Variants in ZNF652 observed in about 807,000 individuals in gnomAD.
ZNF652 encodes the protein zinc finger protein 652.
Under a neutral mutation model 45.2 loss-of-function variants are expected in ZNF652, and 16 were observed. The ratio of observed to expected loss-of-function variants is 0.35; its 90% CI spans 0.24 to 0.54. The LOEUF (loss-of-function observed/expected upper bound fraction) is 0.54. Among genes scored for constraint, ZNF652 ranks in the 20% least tolerant of loss-of-function variants. The probability of loss-of-function intolerance (pLI) is 0.91; values close to 1 mark genes in which losing one functional copy is unlikely to be tolerated. For synonymous variants in ZNF652, 250 were observed against 260.6 expected (o/e 0.96, Z 0.39); for missense variants, 614 against 765.6 (o/e 0.80, Z 2.34).
At chr17:49,305,428 C>A (rs1379863477) in intron 5 of ZNF652, among the ~76,000 whole-genome samples, 1 of 151,942 alleles carries the variant, frequency 6.6e-6, no homozygotes, top group East Asian at 1.9e-4. Context: ...GCCTGGGTGA[C>A]ACAGCGAGAC....
At position 49,295,924 on chromosome 17, in the gene ZNF652, C is replaced by A. The variant is rs2069467088; in HGVS notation, c.*2489G>T. 1 of 74,226 alleles carries A rather than the reference C, an allele frequency of 1.3e-5. No homozygotes were observed. The highest frequency in any genetic ancestry group is 2.3e-4 in the Admixed American group (1 of 4,346). The allele number at this position is 74,226 out of a possible 1,614,324, so 4.6% of individuals were successfully genotyped here. ...CTGCACTCCAGCCCAGGCAACAGAA[C>A]AAGACTCTGCCTCAAAAAAAAAAAA... On this transcript the variant is annotated 3_prime_UTR_variant, in exon 6 of 6. Coordinates refer to ENST00000430262, the MANE Select transcript of ZNF652 (RefSeq NM_001145365.3).
intron 1 of ZNF652, among the ~76,000 whole-genome samples, chr17:49,333,788 ATTAT>A (rs1567693151): frequency 2.6e-5 from 4 of 151,952 alleles, no homozygotes; most frequent in Non-Finnish European, 4.4e-5. Context: ...GATGCTTAAC[ATTAT>A]TCAGCATTAG....
intron 1 of ZNF652, among the ~76,000 whole-genome samples, chr17:49,339,741 C>T (rs1289652276): frequency 6.6e-6 from 1 of 152,162 alleles, no homozygotes; most frequent in East Asian, 1.9e-4. Context: ...TGTATTTTTG[C>T]ATCTTCACAG....
At chr17:49,319,635 CAAAAAAAAAAAAAAA>C (rs35770760) in intron 1 of ZNF652, among the ~76,000 whole-genome samples, 1 of 46,234 alleles carries the variant, frequency 2.2e-5, no homozygotes, top group Non-Finnish European at 3.8e-5. Flanking sequence ...GACTCTGTCT[CAAAAAAAAAAAAAAA>C]AAAAAAAAAA....
rs2069489191 is a variant in ZNF652 at position 49,297,313 on chromosome 17, G to A, written c.*1100C>T. 6.6e-6 allele frequency: 1 copy of A among 152,550 alleles called. No homozygotes were observed. Among genetic ancestry groups the A allele is most frequent in the Admixed American group, 6.5e-5 (1 of 15,272 alleles). The allele number at this position is 152,550 out of a possible 1,614,324, so 9.4% of individuals were successfully genotyped here. A position where few individuals can be genotyped will look rare whatever the true frequency, so the allele number is the denominator to read the frequency against. ...AGTTAAACATCAACACAATTCCTAA[G>A]GGAAGTGAGAAACAGACGTGACTGA... On this transcript the variant is annotated 3_prime_UTR_variant, in exon 6 of 6. Coordinates refer to ENST00000430262, the MANE Select transcript of ZNF652 (RefSeq NM_001145365.3).
chr17:49,320,605 A>T (rs2069876659), intron 1 of ZNF652, among the ~76,000 whole-genome samples: 1 of 152,218 alleles, frequency 6.6e-6, no homozygotes, highest in African/African-American at 2.4e-5. Flanking sequence ...TTTAAGTAGG[A>T]AAATCCTAGC....
rs576692626 is a variant in ZNF652 at position 49,316,833 on chromosome 17, T to C, written c.893A>G (p.Asn298Ser). Residue 298 changes from asparagine (N) to serine (S), a missense_variant, in exon 2 of 6, where the codon AAC becomes AGC. By Grantham distance (46) the Asn-to-Ser change is conservative. Around this residue, in one of 5 missense-constraint regions of ZNF652, gnomAD observed 262 missense variants for 306.3 expected, o/e 0.86. Transcript: ENST00000430262. ...SLHQQTDCEK[N>S]IQCVSCNKSF... ...CTCGGTGATGAAACCTACCTGAATG[T>C]TTTTTTCACAGTCTGTTTGCTGGTG... is the stretch of plus-strand genomic sequence containing the variant. 190 of 1,609,040 alleles carry C rather than the reference T, an allele frequency of 1.2e-4. No homozygotes were observed. The highest frequency in any genetic ancestry group is 1.6e-4 in the Non-Finnish European group (185 of 1,177,998).
rs2069504864 is a variant in ZNF652, at chr17:49,298,503, A to G, written c.1731T>C (p.Phe577=). ...VPHLPPPPAL[F]KSEPLNHRGQ... ...CTCTATGATTTAAAGGCTCACTCTT[A>G]AAGAGAGCTGGAGGTGGCGGGAGGT... The change falls in exon 6 of 6, where the codon TTT becomes TTC. Residue 577 remains phenylalanine, a synonymous_variant. Transcript: ENST00000430262. The G allele has an allele frequency of 6.2e-7, 1 of 1,613,040 alleles. No individual in the cohort carries two copies. The highest frequency in any genetic ancestry group is 1.3e-5 in the African/African-American group (1 of 74,850).
chr17:49,340,701 A>G (rs988001795), intron 1 of ZNF652, among the ~76,000 whole-genome samples: 1 of 152,028 alleles, frequency 6.6e-6, no homozygotes, highest in Non-Finnish European at 1.5e-5. Context: ...GGATAGGTTG[A>G]GCTCAGGAGT....
intron 1 of ZNF652, among the ~76,000 whole-genome samples, chr17:49,348,720 A>C (rs544704406): frequency 6.6e-6 from 1 of 152,214 alleles, no homozygotes; most frequent in African/African-American, 2.4e-5. Flanking sequence ...TTTATAAATA[A>C]TATGATGTCT....
chr17:49,362,309 C>T (rs943697800), upstream of ZNF652: 1 of 151,240 alleles, frequency 6.6e-6, no homozygotes. Flanking sequence ...CTGGCCCCCC[C>T]GCCCAACGGG....
intron 1 of ZNF652, among the ~76,000 whole-genome samples, chr17:49,351,052 C>T (rs1023869456): frequency 3.7e-5 from 5 of 133,510 alleles, no homozygotes; most frequent in African/African-American, 5.7e-5. Context: ...CACACACACA[C>T]ACATATTTTT....
chr17:49,332,703 A>G (rs1249646250), intron 1 of ZNF652, among the ~76,000 whole-genome samples: 1 of 151,698 alleles, frequency 6.6e-6, no homozygotes, highest in Non-Finnish European at 1.5e-5. Flanking sequence ...CTGGTCTCAA[A>G]CTCCTGGCCT....
chr17:49,361,940 G>A lies in ZNF652; in HGVS notation c.-290C>T, dbSNP rs112502960. On this transcript the variant is annotated 5_prime_UTR_variant, in exon 1 of 6. Transcript: ENST00000430262. ...CGGCCGCCTCCGCCTCCGCCGCCCCGGCCGCCGCCTCGGCGGTCCATCCCT... is the reference window on the plus strand; with the variant it reads ...CGGCCGCCTCCGCCTCCGCCGCCCCAGCCGCCGCCTCGGCGGTCCATCCCT... 41,198 of 149,950 alleles carry A rather than the reference G, an allele frequency of 0.27. 6,918 individuals carry two copies. The highest frequency in any genetic ancestry group is 0.38 in the Non-Finnish European group (25,548 of 67,274). The allele number at this position is 149,950 out of a possible 1,614,324, so 9.3% of individuals were successfully genotyped here.
chr17:49,314,480 T>C (rs756823318), intron 2 of ZNF652, among the ~76,000 whole-genome samples: 5 of 151,948 alleles, frequency 3.3e-5, no homozygotes, highest in Admixed American at 6.6e-5. Flanking sequence ...TTTAAAAAAT[T>C]AAAGAAAATT....
intron 1 of ZNF652, among the ~76,000 whole-genome samples, chr17:49,338,885 T>G (rs774211314): frequency 6.6e-6 from 1 of 151,958 alleles, no homozygotes; most frequent in Non-Finnish European, 1.5e-5. Context: ...AACACTAAAG[T>G]ACAGTGCACA....
intron 1 of ZNF652, among the ~76,000 whole-genome samples, chr17:49,340,220 G>A (rs951060126): frequency 2.0e-5 from 3 of 152,132 alleles, no homozygotes; most frequent in Admixed American, 6.6e-5. Flanking sequence ...TTTGAGACCA[G>A]CTTGGCCGAC....
chr17:49,359,422 G>C (rs778173095), intron 1 of ZNF652, among the ~76,000 whole-genome samples: 15 of 152,152 alleles, frequency 9.9e-5, no homozygotes, highest in Non-Finnish European at 2.1e-4. Context: ...AAGATTCCAA[G>C]GCTCCCTTGC....
intron 1 of ZNF652, among the ~76,000 whole-genome samples, chr17:49,325,597 G>A (rs1041781008): frequency 6.6e-6 from 1 of 151,840 alleles, no homozygotes; most frequent in African/African-American, 2.4e-5. Flanking sequence ...TGTTAGCAAA[G>A]TGCAATAAAA....
Sources: allele counts gnomAD v4.1 joint callset (sites outside exome capture counted in the v4.1 genomes callset), GRCh38; gene constraint gnomAD v4.1.1; regional missense constraint gnomAD v4.1.1; transcripts MANE v1.5; gene names NCBI Gene and HGNC (gene_info 2026-07-23, HGNC 2026-07-21).